ST18: variants seen among roughly 807,000 people sequenced by gnomAD.
The protein encoded by ST18 is suppression of tumorigenicity 18 protein.
ST18 carries 50 observed loss-of-function variants against 110.0 expected under a neutral mutation model. That is an observed-to-expected ratio of 0.45 (90% CI 0.36 to 0.58). ST18 has a LOEUF of 0.58. ST18 is among the 20% of genes least tolerant of loss of function. The pLI, the probability that ST18 is intolerant of heterozygous loss-of-function variation, is 0.00. For synonymous variants in ST18, 461 were observed against 452.4 expected (o/e 1.02, Z -0.24); for missense variants, 1,306 against 1,280.1 (o/e 1.02, Z -0.31).
intron 8 of ST18, among the ~76,000 whole-genome samples, chr8:52,195,177 C>T (rs1052295793): frequency 1.2e-4 from 18 of 151,982 alleles, no homozygotes; most frequent in Middle Eastern, 3.4e-3. Context: ...GGGATGTACC[C>T]GGAAGAGCAG....
At chr8:52,220,560 A>G (rs1003236459) in intron 5 of ST18, 181 bp downstream of exon 5, 12 of 152,312 alleles carry the variant, frequency 7.9e-5, no homozygotes, top group Admixed American at 7.8e-4. Context: ...ATATTTTAAA[A>G]TATTAAATGG....
chr8:52,389,103 G>A lies in ST18; in HGVS notation c.-465+20225C>T, dbSNP rs375177841. On this transcript the variant is annotated intron_variant, in intron 2 of 25. Coordinates refer to ENST00000689386, the MANE Select transcript of ST18 (RefSeq NM_001352837.2). Reference sequence around the variant, plus strand: ...CCGAGAGCCACACAGCCAAGAGGAGGCGAGGCGAGCCTGGCGCTTCAGGCG... The same window carrying A: ...CCGAGAGCCACACAGCCAAGAGGAGACGAGGCGAGCCTGGCGCTTCAGGCG... Among the ~76,000 whole-genome samples, 4 of 152,168 alleles carry A rather than the reference G, an allele frequency of 2.6e-5. No individual in the cohort carries two copies. In the East Asian group the frequency reaches 5.8e-4, roughly 22 times the overall value.
intron 2 of ST18, among the ~76,000 whole-genome samples, chr8:52,347,009 G>A (rs1818094862): frequency 6.6e-6 from 1 of 152,174 alleles, no homozygotes. Context: ...AGAAATAAAA[G>A]GTGTGTAAGA....
intron 17 of ST18, among the ~76,000 whole-genome samples, chr8:52,138,945 G>A (rs1160311456): frequency 4.6e-5 from 7 of 152,016 alleles, no homozygotes; most frequent in African/African-American, 1.5e-4. Context: ...TTTTCTTCCT[G>A]TGATCCACTT....
intron 2 of ST18, among the ~76,000 whole-genome samples, chr8:52,298,909 T>A (rs904136689): frequency 4.6e-5 from 7 of 152,224 alleles, no homozygotes; most frequent in African/African-American, 1.7e-4. Context: ...GTCAGTCTAA[T>A]TTCTGTGTCT....
At chr8:52,256,489 A>G (rs1041291375) in intron 2 of ST18, among the ~76,000 whole-genome samples, 1 of 152,088 alleles carries the variant, frequency 6.6e-6, no homozygotes. Flanking sequence ...CAGTCTCCCA[A>G]AGTGCTGGGA....
intron 2 of ST18, among the ~76,000 whole-genome samples, chr8:52,290,787 G>A (rs1462679912): frequency 6.6e-6 from 1 of 152,190 alleles, no homozygotes; most frequent in Non-Finnish European, 1.5e-5. Flanking sequence ...GTCAGGTCTG[G>A]TTTTCCTGAA....
intron 8 of ST18, among the ~76,000 whole-genome samples, chr8:52,180,867 C>CA (rs1275347611): frequency 1.3e-5 from 2 of 152,134 alleles, no homozygotes; most frequent in South Asian, 2.1e-4. Context: ...TCATCAAACA[C>CA]AAAAAAAGTG....
Position 52,391,978 on chromosome 8 carries a change from A to AG in ST18, c.-465+17349dup, listed in dbSNP as rs550723026. ...GTTTGGAGGGCTGAGGCAGTATTCA[A>AG]GGGGCAATAGTCCACATGTCTTTTT... On this transcript the variant is annotated intron_variant, in intron 2 of 25. Coordinates refer to ENST00000689386, the MANE Select transcript of ST18 (RefSeq NM_001352837.2). Among the ~76,000 whole-genome samples the AG allele has an allele frequency of 1.1e-4, 16 of 152,314 alleles. No individual in the cohort carries two copies. The South Asian group carries it at 3.1e-3, about 30-fold the overall frequency.
intron 2 of ST18, among the ~76,000 whole-genome samples, chr8:52,264,393 T>G (rs888617544): frequency 3.9e-5 from 6 of 152,188 alleles, no homozygotes; most frequent in Admixed American, 1.3e-4. Flanking sequence ...TTCTCTAAGA[T>G]TTTTTTGGAA....
At chr8:52,123,893 C>G (rs574548521) in intron 23 of ST18, among the ~76,000 whole-genome samples, 1 of 152,234 alleles carries the variant, frequency 6.6e-6, no homozygotes, top group East Asian at 1.9e-4. Context: ...AATTTATATT[C>G]TGTTTACAGT....
intron 2 of ST18, among the ~76,000 whole-genome samples, chr8:52,343,069 C>T (rs1465170507): frequency 2.6e-5 from 4 of 151,984 alleles, no homozygotes; most frequent in South Asian, 2.1e-4. Context: ...CTTGAACTGA[C>T]GAAGCAAGCA....
At chr8:52,215,825 A>T (rs188570986) in intron 6 of ST18, among the ~76,000 whole-genome samples, 1 of 152,312 alleles carries the variant, frequency 6.6e-6, no homozygotes. Flanking sequence ...TGTGTTGTGA[A>T]ATCCCCCTCC....
intron 2 of ST18, among the ~76,000 whole-genome samples, chr8:52,305,966 G>T (rs550622868): frequency 1.3e-5 from 2 of 152,328 alleles, no homozygotes; most frequent in South Asian, 4.1e-4. Flanking sequence ...GTCTCTCAGA[G>T]GGAAGTCCTC....
At chr8:52,213,140 C>T (rs1182568642) in intron 7 of ST18, among the ~76,000 whole-genome samples, 1 of 151,944 alleles carries the variant, frequency 6.6e-6, no homozygotes, top group African/African-American at 2.4e-5. Context: ...GAAAATAATA[C>T]AGTATAAAAT....
At chr8:52,350,666 T>C (rs1819870953) in intron 2 of ST18, among the ~76,000 whole-genome samples, 1 of 151,998 alleles carries the variant, frequency 6.6e-6, no homozygotes, top group African/African-American at 2.4e-5. Flanking sequence ...ACTTCTGTCA[T>C]CCTTCTATGC....
At chr8:52,205,349 C>T (rs1399409204) in intron 8 of ST18, among the ~76,000 whole-genome samples, 1 of 151,866 alleles carries the variant, frequency 6.6e-6, no homozygotes, top group Non-Finnish European at 1.5e-5. Context: ...TCACACCTCC[C>T]ATACTGCAAA....
chr8:52,409,217 C>T (rs1408228899), intron 2 of ST18, 111 bp downstream of exon 2: 3 of 152,264 alleles, frequency 2.0e-5, no homozygotes, highest in Admixed American at 6.5e-5. Flanking sequence ...AAGGTGAGCC[C>T]TCCTAACTCC....
At position 52,354,478 on chromosome 8, in the gene ST18, A is replaced by G. The variant is rs1308262382; in HGVS notation, c.-465+54850T>C. On this transcript the variant is annotated intron_variant, in intron 2 of 25. Transcript: ENST00000689386. The stretch of plus-strand genomic sequence containing the variant: ...ATAATATTTGAAGCCTGAGTAAATG[A>G]AAGATGAAGCAAGTGTCTGATAGAG... Among the ~76,000 whole-genome samples, 5 of 152,340 alleles carry G rather than the reference A, an allele frequency of 3.3e-5. No individual in the cohort carries two copies. The East Asian group carries it at 7.7e-4, about 24-fold the overall frequency.
Sources: allele counts gnomAD v4.1 joint callset (sites outside exome capture counted in the v4.1 genomes callset), GRCh38; gene constraint gnomAD v4.1.1; transcripts MANE v1.5; gene names NCBI Gene and HGNC (gene_info 2026-07-23, HGNC 2026-07-21).